Variants in SNRK observed in about 807,000 individuals in gnomAD.
The protein encoded by SNRK is SNF related kinase.
SNRK carries 3 observed loss-of-function variants against 48.2 expected under a neutral mutation model. That is an observed-to-expected ratio of 0.06 (90% CI 0.03 to 0.16). The LOEUF (loss-of-function observed/expected upper bound fraction) is 0.16, where lower values mean the gene tolerates loss of function less well. SNRK is among the 10% of genes least tolerant of loss of function. The probability of loss-of-function intolerance (pLI) is 1.00; values close to 1 mark genes in which losing one functional copy is unlikely to be tolerated. For synonymous variants in SNRK, 376 were observed against 366.1 expected, an observed-to-expected ratio of 1.03 and a Z score of -0.31; for missense variants, 627 against 976.0, an observed-to-expected ratio of 0.64 and a Z score of 4.76.
chr3:43,336,532 A>AT (rs1337389376), intron 4 of SNRK, among the ~76,000 whole-genome samples: 7 of 151,962 alleles, frequency 4.6e-5, no homozygotes, highest in African/African-American at 9.7e-5. Flanking sequence ...GGGTCTCACT[A>AT]TGTTGCCCAG....
At chr3:43,327,081 G>C (rs140753539) in intron 3 of SNRK, among the ~76,000 whole-genome samples, 1 of 152,228 alleles carries the variant, frequency 6.6e-6, no homozygotes, top group Non-Finnish European at 1.5e-5. Context: ...ATGCTTTCTA[G>C]TCATGTTCCT....
intron 2 of SNRK, among the ~76,000 whole-genome samples, chr3:43,301,592 C>G (rs2090898052): frequency 6.6e-6 from 1 of 151,816 alleles, no homozygotes; most frequent in South Asian, 2.1e-4. Flanking sequence ...ATAGCAAGAC[C>G]CTGTCTCTAA....
At chr3:43,323,384 T>A (rs1454284558) in intron 3 of SNRK, among the ~76,000 whole-genome samples, 1 of 152,220 alleles carries the variant, frequency 6.6e-6, no homozygotes, top group Non-Finnish European at 1.5e-5. Context: ...TCCACACCAT[T>A]AGTCATTAGG....
At chr3:43,306,408 G>A (rs938098368) in intron 3 of SNRK, among the ~76,000 whole-genome samples, 4 of 152,010 alleles carry the variant, frequency 2.6e-5, no homozygotes, top group Non-Finnish European at 4.4e-5. Flanking sequence ...TTGAATAAGT[G>A]TTTTATAGTA....
chr3:43,306,413 A>G (rs2090938516), intron 3 of SNRK, among the ~76,000 whole-genome samples: 1 of 152,126 alleles, frequency 6.6e-6, no homozygotes, highest in Non-Finnish European at 1.5e-5. Context: ...TAAGTGTTTT[A>G]TAGTATACTG....
intron 5 of SNRK, among the ~76,000 whole-genome samples, chr3:43,342,491 C>G (rs2091244828): frequency 6.6e-6 from 1 of 152,210 alleles, no homozygotes; most frequent in African/African-American, 2.4e-5. Context: ...TGCCCTGCCC[C>G]CATTAGTTGT....
chr3:43,327,328 C>T (rs1042255918), intron 3 of SNRK, among the ~76,000 whole-genome samples: 1 of 152,180 alleles, frequency 6.6e-6, no homozygotes, highest in Admixed American at 6.5e-5. Context: ...GCATTGCCTT[C>T]TACATTAGTG....
chr3:43,348,434 C>G lies in SNRK; in HGVS notation c.2175C>G (p.Asn725Lys), dbSNP rs1191400089. The change falls in exon 7 of 7, where the codon AAC becomes AAG. Residue 725 changes from asparagine (N) to lysine (K), a missense_variant. This residue lies in a region of SNRK where 207 missense variants were observed against 234.3 expected (regional missense o/e 0.88). Transcript: ENST00000296088. ...TTELERIKSK[N>K]LKNNVLQLPL... is the part of the protein sequence containing the mutation. ...AATTGGAACGGATAAAGAGCAAGAACCTGAAAAATAACGTGCTGCAGCTAC... is the reference window on the plus strand; with the variant it reads ...AATTGGAACGGATAAAGAGCAAGAAGCTGAAAAATAACGTGCTGCAGCTAC... 1.2e-6 allele frequency: 2 copies of G among 1,612,108 alleles called. No individual in the cohort carries two copies. The highest frequency in any genetic ancestry group is 1.7e-6 in the Non-Finnish European group (2 of 1,179,186).
intron 5 of SNRK, among the ~76,000 whole-genome samples, chr3:43,341,638 G>A (rs1161598299): frequency 6.6e-6 from 1 of 152,224 alleles, no homozygotes; most frequent in African/African-American, 2.4e-5. Flanking sequence ...GTTCGAAAGA[G>A]AGTATGCTCT....
chr3:43,348,626 C>A lies in SNRK; in HGVS notation c.*69C>A. On this transcript the variant is annotated 3_prime_UTR_variant, in exon 7 of 7. Coordinates refer to ENST00000296088, the MANE Select transcript of SNRK (RefSeq NM_017719.5). ...GTGAAGACCGGCTCACTTCACTGTTCCATTTGGTTTTACTATTTTAAAGTG... is the reference window on the plus strand; with the variant it reads ...GTGAAGACCGGCTCACTTCACTGTTACATTTGGTTTTACTATTTTAAAGTG... The A allele has an allele frequency of 7.1e-7, 1 of 1,412,562 alleles. No homozygotes were observed. Among genetic ancestry groups the A allele is most frequent in the Non-Finnish European group, 9.2e-7 (1 of 1,084,740 alleles). 87.5% of individuals were successfully genotyped at this position (1,412,562 alleles called of 1,614,324 possible).
chr3:43,340,251 A>G, intron 4 of SNRK, 36 bp from the exon 5 acceptor site: 1 of 1,486,584 alleles, frequency 6.7e-7, no homozygotes, highest in Non-Finnish European at 9.4e-7. Flanking sequence ...CCTTGCAAGC[A>G]GTTTGCTTTA....
At chr3:43,330,271 G>A (rs1010863586) in intron 3 of SNRK, among the ~76,000 whole-genome samples, 2 of 151,994 alleles carry the variant, frequency 1.3e-5, no homozygotes, top group African/African-American at 4.8e-5. Flanking sequence ...TGCTGTGGAG[G>A]GATAGCCAAG....
At position 43,322,194 on chromosome 3, in the gene SNRK, C is replaced by T. The variant is rs76315520; in HGVS notation, c.590-9975C>T. Reference sequence around the variant, plus strand: ...CATTTTAAATTCCTCTATTATTAGACAACATAAGAGGAAGAATTAATTAAT... The same window carrying T: ...CATTTTAAATTCCTCTATTATTAGATAACATAAGAGGAAGAATTAATTAAT... On this transcript the variant is annotated intron_variant, in intron 3 of 6. Coordinates refer to ENST00000296088, the MANE Select transcript of SNRK (RefSeq NM_017719.5). 2.1e-4 allele frequency among the ~76,000 whole-genome samples: 32 copies of T among 152,164 alleles called. 1 individual carries two copies. The East Asian group carries it at 6.0e-3, about 28-fold the overall frequency.
chr3:43,290,351 C>G (rs981266543), intron 1 of SNRK, among the ~76,000 whole-genome samples: 6 of 152,300 alleles, frequency 3.9e-5, no homozygotes, highest in South Asian at 2.1e-4. Context: ...TTCAATCATA[C>G]AATTTTAGAA....
intron 1 of SNRK, among the ~76,000 whole-genome samples, chr3:43,290,801 T>A (rs1247226934): frequency 6.6e-6 from 1 of 152,204 alleles, no homozygotes; most frequent in African/African-American, 2.4e-5. Context: ...TAATAAAATA[T>A]ATCTGTATAT....
chr3:43,314,209 T>C (rs917909216), intron 3 of SNRK, among the ~76,000 whole-genome samples: 7 of 152,238 alleles, frequency 4.6e-5, no homozygotes, highest in Admixed American at 1.3e-4. Context: ...TGATTCATAA[T>C]GCCTTAAAAT....
At position 43,299,263 on chromosome 3, in the gene SNRK, C is replaced by T. The variant is rs1251057085; in HGVS notation, c.-168-491C>T. 3.3e-5 allele frequency among the ~76,000 whole-genome samples: 5 copies of T among 152,100 alleles called. No homozygotes were observed. In the East Asian group the frequency reaches 7.7e-4, roughly 23 times the overall value. The stretch of plus-strand genomic sequence containing the variant: ...CGCCATCTCGGCTCATTGCAACCTC[C>T]GCCTCCTGGGTTCAAGCAAGTCTCC... On this transcript the variant is annotated intron_variant, in intron 1 of 6. Transcript: ENST00000296088.
chr3:43,308,491 G>C (rs1463166347), intron 3 of SNRK, among the ~76,000 whole-genome samples: 1 of 152,178 alleles, frequency 6.6e-6, no homozygotes, highest in Non-Finnish European at 1.5e-5. Context: ...TGACCATTCA[G>C]AAAATCCTAG....
intron 6 of SNRK, among the ~76,000 whole-genome samples, chr3:43,345,697 T>G (rs925801639): frequency 6.6e-6 from 1 of 152,106 alleles, no homozygotes; most frequent in African/African-American, 2.4e-5. Flanking sequence ...CTCAAGAATG[T>G]AGGTATAAGA....
Sources: gnomAD v4.1 joint callset for allele counts (sites outside exome capture counted in the v4.1 genomes callset) on GRCh38, gnomAD v4.1.1 for gene constraint, gnomAD v4.1.1 regional missense constraint, MANE v1.5 for transcripts, NCBI Gene and HGNC (gene_info 2026-07-23, HGNC 2026-07-21) for gene names.